Variants in MPDZ observed in about 807,000 individuals in gnomAD.
MPDZ encodes multiple PDZ domain crumbs cell polarity complex component.
MPDZ carries 234 observed loss-of-function variants against 239.1 expected under a neutral mutation model. The ratio of observed to expected loss-of-function variants is 0.98; its 90% CI spans 0.88 to 1.09. The LOEUF (loss-of-function observed/expected upper bound fraction) is 1.09, where lower values mean the gene tolerates loss of function less well. Among genes scored for constraint, MPDZ ranks in the 50% least tolerant of loss-of-function variants. The pLI is 0.00. For synonymous variants in MPDZ, 1,048 were observed against 881.3 expected, an observed-to-expected ratio of 1.19 and a Z score of -3.35; for missense variants, 3,175 against 2,510.0, an observed-to-expected ratio of 1.26 and a Z score of -5.66.
intron 3 of MPDZ, among the ~76,000 whole-genome samples, chr9:13,233,499 G>T (rs1963122250): frequency 6.6e-6 from 1 of 151,914 alleles, no homozygotes; most frequent in Non-Finnish European, 1.5e-5. Context: ...ATTCCTAAAG[G>T]GGAGGATTAG....
intron 10 of MPDZ, among the ~76,000 whole-genome samples, chr9:13,208,009 G>A (rs1315592886): frequency 6.6e-6 from 1 of 152,200 alleles, no homozygotes; most frequent in Non-Finnish European, 1.5e-5. Flanking sequence ...TAAAATGACT[G>A]TACGTGTAAT....
chr9:13,267,749 A>T (rs1256060562), intron 1 of MPDZ, among the ~76,000 whole-genome samples: 1 of 152,168 alleles, frequency 6.6e-6, no homozygotes, highest in African/African-American at 2.4e-5. Flanking sequence ...GAAAGGGAGA[A>T]GGGATGGAAA....
At chr9:13,217,137 G>A (rs776093715) in intron 9 of MPDZ, 43 bp downstream of exon 9, 2 of 1,212,776 alleles carry the variant, frequency 1.6e-6, no homozygotes, top group African/African-American at 1.5e-5. Flanking sequence ...AGATATCAGA[G>A]GTAATTGTCA....
At chr9:13,199,054 T>C (rs1479389714) in intron 12 of MPDZ, among the ~76,000 whole-genome samples, 1 of 152,008 alleles carries the variant, frequency 6.6e-6, no homozygotes, top group East Asian at 1.9e-4. Flanking sequence ...AAGAATGCCA[T>C]TGGTATATTC....
intron 3 of MPDZ, among the ~76,000 whole-genome samples, chr9:13,227,464 A>G (rs1960996125): frequency 6.6e-6 from 1 of 152,120 alleles, no homozygotes. Flanking sequence ...GGCATAATGA[A>G]ATTTGTGACA....
At chr9:13,202,067 T>C (rs767533348) in intron 12 of MPDZ, among the ~76,000 whole-genome samples, 26 of 152,134 alleles carry the variant, frequency 1.7e-4, no homozygotes, top group Non-Finnish European at 2.8e-4. Context: ...ATTTGAGGAG[T>C]TGGCTACCTC....
chr9:13,175,336 G>T (rs1209718949), intron 21 of MPDZ, among the ~76,000 whole-genome samples: 1 of 152,124 alleles, frequency 6.6e-6, no homozygotes, highest in Non-Finnish European at 1.5e-5. Flanking sequence ...CTTTCTTTCA[G>T]TGAGTGAAAG....
chr9:13,222,515 A>T lies in MPDZ; in HGVS notation c.534-69T>A. 18 of 1,234,050 alleles carry T rather than the reference A, an allele frequency of 1.5e-5. No individual in the cohort carries two copies. The South Asian group carries it at 2.1e-4, about 15-fold the overall frequency. The allele number at this position is 1,234,050 out of a possible 1,614,324, so 76.4% of individuals were successfully genotyped here. A position where few individuals can be genotyped will look rare whatever the true frequency, so the allele number is the denominator to read the frequency against. On this transcript the variant is annotated intron_variant, in intron 5 of 46. Transcript: ENST00000319217. ...TCAAGGAAATGACAGCTTCTTTGGC[A>T]TGTATGTTCAAGTCATTTTTAATCC...
At chr9:13,269,515 A>G (rs1019163418) in intron 1 of MPDZ, among the ~76,000 whole-genome samples, 28 of 152,182 alleles carry the variant, frequency 1.8e-4, no homozygotes, top group African/African-American at 6.3e-4. Flanking sequence ...AGAGAGGAGC[A>G]TATTATCTAA....
intron 32 of MPDZ, among the ~76,000 whole-genome samples, chr9:13,130,339 C>T (rs1035803636): frequency 9.2e-5 from 14 of 152,248 alleles, no homozygotes; most frequent in African/African-American, 3.1e-4. Flanking sequence ...GTTATTAGAG[C>T]TCCCACTTTT....
chr9:13,172,604 C>T (rs758872417), intron 21 of MPDZ, among the ~76,000 whole-genome samples: 3 of 152,116 alleles, frequency 2.0e-5, no homozygotes, highest in Non-Finnish European at 4.4e-5. Flanking sequence ...GCAGACTGGT[C>T]TTGAACTCCT....
At chr9:13,250,569 T>C (rs1967676235) in intron 1 of MPDZ, among the ~76,000 whole-genome samples, 197 bp from the exon 2 acceptor site, 1 of 152,206 alleles carries the variant, frequency 6.6e-6, no homozygotes, top group Non-Finnish European at 1.5e-5. Flanking sequence ...TATGTATATA[T>C]TTACCCATAA....
At chr9:13,164,119 A>G (rs929673777) in intron 22 of MPDZ, among the ~76,000 whole-genome samples, 2 of 152,174 alleles carry the variant, frequency 1.3e-5, no homozygotes, top group Non-Finnish European at 2.9e-5. Flanking sequence ...GGTCATACTG[A>G]TCACTTGGGC....
At chr9:13,132,132 G>A (rs930802365) in intron 32 of MPDZ, among the ~76,000 whole-genome samples, 6 of 152,304 alleles carry the variant, frequency 3.9e-5, no homozygotes, top group African/African-American at 1.4e-4. Context: ...TTCCTCAATA[G>A]CATCTAATTT....
chr9:13,121,029 C>T (rs1944263021), intron 38 of MPDZ, among the ~76,000 whole-genome samples: 1 of 152,158 alleles, frequency 6.6e-6, no homozygotes, highest in Non-Finnish European at 1.5e-5. Context: ...GTTAATATCA[C>T]TTATAAATGA....
At chr9:13,253,784 TAAG>T (rs1464497433) in intron 1 of MPDZ, among the ~76,000 whole-genome samples, 7 of 152,080 alleles carry the variant, frequency 4.6e-5, no homozygotes, top group Admixed American at 3.9e-4. Flanking sequence ...ATGGATATGG[TAAG>T]AAGGAGTTCA....
intron 22 of MPDZ, among the ~76,000 whole-genome samples, chr9:13,166,497 G>A (rs1951090525): frequency 6.6e-6 from 1 of 152,014 alleles, no homozygotes; most frequent in East Asian, 1.9e-4. Flanking sequence ...GTATCTTTAA[G>A]GCATGTGAGA....
At chr9:13,272,700 T>TAAAAAAAAAAAA (rs539786957) in intron 1 of MPDZ, among the ~76,000 whole-genome samples, 1 of 78,556 alleles carries the variant, frequency 1.3e-5, no homozygotes, top group Non-Finnish European at 2.5e-5. Context: ...CTGTTCCTAC[T>TAAAAAAAAAAAA]AAAAAAAAAA....
intron 39 of MPDZ, 100 bp from the exon 40 acceptor site, chr9:13,115,434 C>T (rs1943249973): frequency 2.1e-6 from 2 of 964,752 alleles, no homozygotes; most frequent in South Asian, 1.4e-5. Flanking sequence ...TTTTGAAAGG[C>T]ATCTTCCTTT....
Sources: gnomAD v4.1 joint callset for allele counts (sites outside exome capture counted in the v4.1 genomes callset) on GRCh38, gnomAD v4.1.1 for gene constraint, MANE v1.5 for transcripts, NCBI Gene and HGNC (gene_info 2026-07-23, HGNC 2026-07-21) for gene names.